DBP: variants seen among roughly 807,000 people sequenced by gnomAD.
DBP encodes D site-binding protein.
A neutral mutation model predicts 21.4 loss-of-function variants in DBP; 12 were observed. That is an observed-to-expected ratio of 0.56 (90% confidence interval 0.36 to 0.91). The LOEUF is 0.91. DBP is among the 40% of genes least tolerant of loss of function. The pLI is 0.01. For synonymous variants in DBP, 213 were observed against 224.9 expected, an observed-to-expected ratio of 0.95 and a Z score of 0.47; for missense variants, 423 against 473.4, an observed-to-expected ratio of 0.89 and a Z score of 0.99.
At chr19:48,634,613 T>A (rs531613092) in intron 2 of DBP, 9 of 850,216 alleles carry the variant, frequency 1.1e-5, no homozygotes, top group African/African-American at 3.9e-5. Flanking sequence ...GCCCCCGCCA[T>A]CGGCGCCCTC....
intron 3 of DBP, chr19:48,631,559 C>CAAA (rs897907225): frequency 1.0e-4 from 16 of 155,782 alleles, no homozygotes; most frequent in African/African-American, 3.9e-4. Context: ...CCTTGGCAAA[C>CAAA]AAAAGTGAGG....
intron 2 of DBP, chr19:48,635,307 G>C: frequency 7.9e-7 from 1 of 1,259,124 alleles, no homozygotes; most frequent in Non-Finnish European, 1.0e-6. Context: ...CACATCGTTT[G>C]TCCCCAAGTC....
At position 48,630,199 on chromosome 19, in the gene DBP, T is replaced by C; in HGVS notation, c.*638A>G. 5.6e-6 allele frequency: 7 copies of C among 1,251,686 alleles called. No homozygotes were observed. Among genetic ancestry groups the C allele is most frequent in the Non-Finnish European group, 7.0e-6 (7 of 996,988 alleles). The allele number at this position is 1,251,686 out of a possible 1,614,324, so 77.5% of individuals were successfully genotyped here. A position where few individuals can be genotyped will look rare whatever the true frequency, so the allele number is the denominator to read the frequency against. Reference sequence around the variant, plus strand: ...GGGCCCGCAGCCTCGCCCCATCCACTCCGGTGCCTCCATTTAGCTGGCCAA... The same window carrying C: ...GGGCCCGCAGCCTCGCCCCATCCACCCCGGTGCCTCCATTTAGCTGGCCAA... On this transcript the variant is annotated 3_prime_UTR_variant, in exon 4 of 4. Transcript: ENST00000222122. This position sits in a 1 kb window ranked among gnomAD's most constrained non-coding sequence, Gnocchi z 4.9.
At chr19:48,633,373 A>C (rs1430478620) in intron 3 of DBP, 71 bp downstream of exon 3, 3 of 1,486,570 alleles carry the variant, frequency 2.0e-6, no homozygotes, top group Non-Finnish European at 2.8e-6. Context: ...CTTGACTGTG[A>C]GAAAAGGCCC....
At position 48,635,869 on chromosome 19, in the gene DBP, C is replaced by CG; in HGVS notation, c.260dup (p.Arg88AlafsTer119). On this transcript the variant is annotated frameshift_variant, in exon 2 of 4. Transcript: ENST00000222122. LOFTEE classifies it high-confidence loss of function. ...CGGGCACCGGCCCCGGGCGCCCCCGCGGGGACCCTCCGCCCACCACTGCCC... is the reference window on the plus strand; with the variant it reads ...CGGGCACCGGCCCCGGGCGCCCCCGCGGGGGACCCTCCGCCCACCACTGCCC... 1 of 1,399,210 alleles carries CG rather than the reference C, an allele frequency of 7.1e-7. No individual in the cohort carries two copies. Among genetic ancestry groups the CG allele is most frequent in the Non-Finnish European group, 9.2e-7 (1 of 1,088,448 alleles). 86.7% of individuals were successfully genotyped at this position (1,399,210 alleles called of 1,614,324 possible). A position where few individuals can be genotyped will look rare whatever the true frequency, so the allele number is the denominator to read the frequency against.
chr19:48,631,179 T>TGCCTTTCTAGGGCCC (rs1256194221), intron 3 of DBP, 127 bp from the exon 4 acceptor site: 1 of 802,566 alleles, frequency 1.2e-6, no homozygotes, highest in African/African-American at 1.7e-5. Context: ...CCCAAGGGTC[T>TGCCTTTCTAGGGCCC]GCCTTTCTAG....
At chr19:48,631,099 T>TCCCAGCGAGAGAGGAAGGGAGC (rs1219000873) in intron 3 of DBP, 47 bp from the exon 4 acceptor site, 4 of 1,551,880 alleles carry the variant, frequency 2.6e-6, no homozygotes, top group Non-Finnish European at 3.5e-6. Flanking sequence ...GGGACCCAGG[T>TCCCAGCGAGAGAGGAAGGGAGC]CCCAGCGAGA....
intron 3 of DBP, 154 bp downstream of exon 3, chr19:48,633,290 C>T (rs776172061): frequency 4.4e-5 from 35 of 792,344 alleles, no homozygotes; most frequent in Non-Finnish European, 7.3e-5. Flanking sequence ...CCTTGTGCCC[C>T]GTGGCCAAGG....
intron 2 of DBP, chr19:48,634,939 C>G (rs1187138185): frequency 1.1e-5 from 11 of 985,650 alleles, no homozygotes; most frequent in Non-Finnish European, 1.3e-5. Flanking sequence ...AGAACCCCCG[C>G]CACTGGGCTA....
chr19:48,635,508 A>T (rs1159173709), intron 2 of DBP, 72 bp downstream of exon 2: 1 of 1,476,078 alleles, frequency 6.8e-7, no homozygotes, highest in Admixed American at 2.1e-5. Flanking sequence ...CCCAGCCCCC[A>T]GCGTCGCACA....
At position 48,633,405 on chromosome 19, in the gene DBP, C is replaced by G. The variant is rs1481569083; in HGVS notation, c.762+39G>C. 5 of 1,603,064 alleles carry G rather than the reference C, an allele frequency of 3.1e-6. No homozygotes were observed. The Admixed American group carries it at 5.0e-5, about 16-fold the overall frequency. ...GCCCCTCCCTGGCTGTGGGGCATGT[C>G]TCCAGCCAAGTCTATCTCCCACATC... On this transcript the variant is annotated intron_variant, in intron 3 of 3. Transcript: ENST00000222122.
Position 48,630,870 on chromosome 19 carries a change from C to T in DBP, c.945G>A (p.Leu315=). 1 of 1,606,312 alleles carries T rather than the reference C, an allele frequency of 6.2e-7. No individual in the cohort carries two copies. The highest frequency in any genetic ancestry group is 8.5e-7 in the Non-Finnish European group (1 of 1,176,982). ...RQELSHYRAV[L]SRYQAQHGAL is the part of the protein sequence containing the mutation. The stretch of plus-strand genomic sequence containing the variant: ...CCCCGTGCTGGGCCTGGTATCGGGA[C>T]AGCACGGCGCGGTAGTGGGACAGCT... The change falls in exon 4 of 4, where the codon CTG becomes CTA. Residue 315 remains leucine, a synonymous_variant. Coordinates refer to ENST00000222122, the MANE Select transcript of DBP (RefSeq NM_001352.5). The surrounding 1 kb of genome is among the most constrained non-coding windows in gnomAD (Gnocchi z 4.9).
At position 48,631,041 on chromosome 19, in the gene DBP, G is replaced by A; in HGVS notation, c.774C>T (p.Tyr258=). 1 of 1,612,974 alleles carries A rather than the reference G, an allele frequency of 6.2e-7. No individual in the cohort carries two copies. The highest frequency in any genetic ancestry group is 8.5e-7 in the Non-Finnish European group (1 of 1,179,550). Residue 258 remains tyrosine, a synonymous_variant, in exon 4 of 4, where the codon TAC becomes TAT. Transcript: ENST00000222122. Reference sequence around the variant, plus strand: ...CGTTGTTCTTGTACCGCCGGCTCCAGTATTTCTCATCCTGCAGGAGAAGAG... The same window carrying A: ...CGTTGTTCTTGTACCGCCGGCTCCAATATTTCTCATCCTGCAGGAGAAGAG... ...QVPEEQKDEK[Y]WSRRYKNNEA... is the part of the protein sequence containing the mutation.
rs764766281 is a variant in DBP at position 48,630,939 on chromosome 19, C to T, written c.876G>A (p.Lys292=). ...QISVRAAFLE[K]ENALLRQEVV... is the part of the protein sequence containing the mutation. ...CTTCCTGCCGCAGCAGGGCGTTCTC[C>T]TTCTCCAGGAAGGCCGCCCGCACCG... Residue 292 remains lysine (K), a synonymous_variant, in exon 4 of 4, where the codon AAG becomes AAA. Coordinates refer to ENST00000222122, the MANE Select transcript of DBP (RefSeq NM_001352.5). The surrounding 1 kb of genome is among the most constrained non-coding windows in gnomAD (Gnocchi z 4.9). The T allele has an allele frequency of 6.2e-7, 1 of 1,612,662 alleles. No individual in the cohort carries two copies. The highest frequency in any genetic ancestry group is 1.7e-5 in the Admixed American group (1 of 59,892).
At position 48,631,004 on chromosome 19, in the gene DBP, G is replaced by C; in HGVS notation, c.811C>G (p.Arg271Gly). The C allele has an allele frequency of 6.2e-7, 1 of 1,613,780 alleles. No individual in the cohort carries two copies. Among genetic ancestry groups the C allele is most frequent in the Non-Finnish European group, 8.5e-7 (1 of 1,179,952 alleles). Residue 271 changes from arginine to glycine, a missense_variant, in exon 4 of 4, where the codon CGG becomes GGG. Arg to Gly is a moderately radical substitution (Grantham distance 125). Coordinates refer to ENST00000222122, the MANE Select transcript of DBP (RefSeq NM_001352.5). ...RRYKNNEAAK[R>G]SRDARRLKEN... ...TTGAGCCGCCGGGCGTCACGGGACC[G>C]CTTGGCTGCCTCGTTGTTCTTGTAC...
chr19:48,636,483 C>G (rs1185182956), intron 1 of DBP, among the ~76,000 whole-genome samples: 2 of 152,008 alleles, frequency 1.3e-5, no homozygotes, highest in Non-Finnish European at 2.9e-5. Flanking sequence ...TCCATGTGAC[C>G]CCATGACGCC....
At chr19:48,636,500 A>G (rs965593230) in intron 1 of DBP, among the ~76,000 whole-genome samples, 5 of 151,766 alleles carry the variant, frequency 3.3e-5, no homozygotes, top group Non-Finnish European at 7.4e-5. Flanking sequence ...CGCCCCGCCC[A>G]AGCCCGTGTC....
chr19:48,637,224 G>A lies in DBP; in HGVS notation c.-230C>T. 1 of 422,972 alleles carries A rather than the reference G, an allele frequency of 2.4e-6. No homozygotes were observed. The highest frequency in any genetic ancestry group is 4.2e-6 in the Non-Finnish European group (1 of 238,206). 26.2% of individuals were successfully genotyped at this position (422,972 alleles called of 1,614,324 possible). A position where few individuals can be genotyped will look rare whatever the true frequency, so the allele number is the denominator to read the frequency against. ...GGGTCCCGGGAGATCATGCAATCTG[G>A]GCGAGGGGGTGTCCAGATCAAGCGG... is the stretch of plus-strand genomic sequence containing the variant. On this transcript the variant is annotated 5_prime_UTR_variant, in exon 1 of 4. Coordinates refer to ENST00000222122, the MANE Select transcript of DBP (RefSeq NM_001352.5).
At chr19:48,634,322 GCA>G (rs138178151) in intron 2 of DBP, 3,657 of 154,260 alleles carry the variant, frequency 0.024, 79 homozygotes, top group Admixed American at 0.032. Flanking sequence ...GACTTCAGAT[GCA>G]CAGTCTAGCC....
Sources: allele counts gnomAD v4.1 joint callset (sites outside exome capture counted in the v4.1 genomes callset), GRCh38; gene constraint gnomAD v4.1.1; non-coding constraint Gnocchi (gnomAD v3.1); transcripts MANE v1.5; gene names NCBI Gene and HGNC (gene_info 2026-07-23, HGNC 2026-07-21).